The following HCFC1 variants were observed in gnomAD, a reference collection of about 807,000 sequenced individuals.
HCFC1 encodes the protein host cell factor 1.
In HCFC1, 7 loss-of-function variants were observed where a neutral mutation model predicts 105.5. The ratio of observed to expected loss-of-function variants is 0.07; its 90% CI spans 0.04 to 0.12. The LOEUF (loss-of-function observed/expected upper bound fraction) is 0.12. HCFC1 is among the 10% of genes least tolerant of loss of function. The pLI, the probability that HCFC1 is intolerant of heterozygous loss-of-function variation, is 1.00. For synonymous variants in HCFC1, 918 were observed against 828.1 expected, an observed-to-expected ratio of 1.11 and a Z score of -1.86; for missense variants, 1,065 against 1,823.6, an observed-to-expected ratio of 0.58 and a Z score of 7.58.
At chrX:153,963,492 G>T in intron 3 of HCFC1, 59 bp from the exon 4 acceptor site, 1 of 865,851 alleles carries the variant, frequency 1.2e-6, no homozygotes. Flanking sequence ...GGCTTCGCTG[G>T]ATGGCTATCA....
At position 153,948,095 on chromosome X, in the gene HCFC1, A is replaced by G. The variant is rs1056676149; in HGVS notation, c.*1252T>C. 9.1e-6 allele frequency: 1 copy of G among 110,122 alleles called. No homozygotes were observed. The highest frequency in any genetic ancestry group is 3.8e-4 in the South Asian group (1 of 2,626). 9.1% of individuals were successfully genotyped at this position (110,122 alleles called of 1,213,427 possible). A position where few individuals can be genotyped will look rare whatever the true frequency, so the allele number is the denominator to read the frequency against. On this transcript the variant is annotated 3_prime_UTR_variant, in exon 26 of 26. Coordinates refer to ENST00000310441, the MANE Select transcript of HCFC1 (RefSeq NM_005334.3). ...GACGCCTGGTTCCCCTCCATTCTCCACCCTTTCCATGACGATTTGGGGGAG... is the reference window on the plus strand; with the variant it reads ...GACGCCTGGTTCCCCTCCATTCTCCGCCCTTTCCATGACGATTTGGGGGAG...
chrX:153,954,697 G>A lies in HCFC1; in HGVS notation c.3702C>T (p.Ser1234=). ...SIKDLPAGRH[S]HAVSTAAMTR... ...TCATGGCAGCGGTGCTGACCGCATGGCTGTGGCGCCCCGCAGGAAGGTCCT... is the reference window on the plus strand; with the variant it reads ...TCATGGCAGCGGTGCTGACCGCATGACTGTGGCGCCCCGCAGGAAGGTCCT... The change falls in exon 17 of 26, where the codon AGC becomes AGT. Residue 1234 remains serine (S), a synonymous_variant. Transcript: ENST00000310441. The A allele has an allele frequency of 8.3e-7, 1 of 1,201,137 alleles. No homozygotes were observed.
At position 153,952,941 on chromosome X, in the gene HCFC1, C is replaced by G. The variant is rs1239220367; in HGVS notation, c.4515G>C (p.Gln1505His). The G allele has an allele frequency of 1.7e-6, 2 of 1,175,134 alleles. No homozygotes were observed. Among genetic ancestry groups the G allele is most frequent in the Non-Finnish European group, 2.3e-6 (2 of 877,260 alleles). The change falls in exon 19 of 26, where the codon CAG becomes CAC. Residue 1505 changes from glutamine to histidine, a missense_variant. By Grantham distance (24) the Gln-to-His change is conservative. Transcript: ENST00000310441. ...GPSVPPPEEL[Q>H]VSPGPRQQLP... ...GCTGCTGGCGAGGACCTGGCGACAC[C>G]TGGAGTTCCTCTGGGGGCTGCAGGA... is the stretch of plus-strand genomic sequence containing the variant.
intron 19 of HCFC1, 41 bp downstream of exon 19, chrX:153,952,470 TCCC>T (rs782465719): frequency 4.5e-6 from 5 of 1,102,200 alleles, no homozygotes; most frequent in Admixed American, 3.0e-5. Flanking sequence ...GGCCTATTGC[TCCC>T]CCGAGCGGCC....
Position 153,959,501 on chromosome X carries a change from G to A in HCFC1, c.1445-10C>T, listed in dbSNP as rs1557116113. 8.3e-7 allele frequency: 1 copy of A among 1,210,674 alleles called. No homozygotes were observed. Among genetic ancestry groups the A allele is most frequent in the Non-Finnish European group, 1.1e-6 (1 of 894,905 alleles). On this transcript the variant is annotated splice_polypyrimidine_tract_variant and intron_variant, in intron 8 of 25. Transcript: ENST00000310441. ...AGAACAGCAGGGACACCTGATGAGA[G>A]AAGGGGCCAGCCGTCAGCCATCACC...
intron 24 of HCFC1, 69 bp downstream of exon 24, chrX:153,950,174 A>C (rs1219864297): frequency 2.9e-6 from 3 of 1,023,219 alleles, no homozygotes; most frequent in Non-Finnish European, 3.9e-6. Context: ...AGATGGTGAC[A>C]GTTCCTCCTG....
chrX:153,951,649 G>A lies in HCFC1; in HGVS notation c.5319C>T (p.Ala1773=). 2 of 1,211,105 alleles carry A rather than the reference G, an allele frequency of 1.7e-6. No homozygotes were observed. The highest frequency in any genetic ancestry group is 1.1e-6 in the Non-Finnish European group (1 of 895,355). ...TCAGGGTAGCTGCAGCCTGCAGCTT[G>A]GCTGGGCTGGCCACCACAACCGGCT... ...APQPVVVASP[A]KLQAAATLTE... Residue 1773 remains alanine (A), a synonymous_variant, in exon 21 of 26, where the codon GCC becomes GCT. Transcript: ENST00000310441.
chrX:153,948,690 G>C lies in HCFC1; in HGVS notation c.*657C>G, dbSNP rs1435491491. 2.7e-5 allele frequency: 3 copies of C among 112,702 alleles called. No individual in the cohort carries two copies. Among genetic ancestry groups the C allele is most frequent in the Non-Finnish European group, 5.6e-5 (3 of 53,232 alleles). 9.3% of individuals were successfully genotyped at this position (112,702 alleles called of 1,213,427 possible). A position where few individuals can be genotyped will look rare whatever the true frequency, so the allele number is the denominator to read the frequency against. ...GGCCTGCAGGGAGGTCTGCACAGGC[G>C]CTGCCCAGGCCGCCGCGGGGCTCCT... On this transcript the variant is annotated 3_prime_UTR_variant, in exon 26 of 26. Transcript: ENST00000310441.
In HCFC1 at chrX:153,971,074, A is replaced by G; in HGVS notation, c.-234T>C. The G allele has an allele frequency of 2.7e-6, 1 of 365,785 alleles. No homozygotes were observed. The highest frequency in any genetic ancestry group is 4.6e-6 in the Non-Finnish European group (1 of 215,447). 30.1% of individuals were successfully genotyped at this position (365,785 alleles called of 1,213,427 possible). A position where few individuals can be genotyped will look rare whatever the true frequency, so the allele number is the denominator to read the frequency against. ...AGCCGCCCGAAACTGTCGAGCGCCT[A>G]GGCTCAAGAAGCTGGAGGCCGCTGA... On this transcript the variant is annotated 5_prime_UTR_variant, in exon 1 of 26. Transcript: ENST00000310441.
In HCFC1 at chrX:153,959,429, T is replaced by C. The variant is rs1410211584; in HGVS notation, c.1507A>G (p.Met503Val). The C allele has an allele frequency of 8.3e-7, 1 of 1,210,078 alleles. No homozygotes were observed. Among genetic ancestry groups the C allele is most frequent in the Non-Finnish European group, 1.1e-6 (1 of 894,852 alleles). Reference protein sequence around the residue: ...QATTGTPLVTMRPASQAGKAP... With the variant: ...QATTGTPLVTVRPASQAGKAP... ...TTCCCAGCCTGGCTGGCAGGTCGCA[T>C]GGTGACCAATGGAGTTCCTGTTGTA... Residue 503 changes from methionine to valine, a missense_variant, in exon 9 of 26, where the codon ATG becomes GTG. Transcript: ENST00000310441.
intron 2 of HCFC1, 122 bp from the exon 3 acceptor site, chrX:153,964,406 A>G (rs2065457078): frequency 2.3e-6 from 2 of 888,458 alleles, no homozygotes; most frequent in Non-Finnish European, 3.1e-6. Context: ...CTGGAGCAAG[A>G]AGGTCCTGGG....
chrX:153,964,798 G>T (rs1000352259), intron 1 of HCFC1, 72 bp from the exon 2 acceptor site: 5 of 1,056,977 alleles, frequency 4.7e-6, no homozygotes, highest in Non-Finnish European at 6.2e-6. Context: ...AAATGTGCCA[G>T]CCGTCAAGCT....
chrX:153,962,266 C>T lies in HCFC1; in HGVS notation c.753G>A (p.Ala251=), dbSNP rs1557117195. 1.7e-5 allele frequency: 21 copies of T among 1,210,034 alleles called. No individual in the cohort carries two copies. The highest frequency in any genetic ancestry group is 2.3e-5 in the Non-Finnish European group (21 of 894,272). The change falls in exon 5 of 26, where the codon GCG becomes GCA. Residue 251 remains alanine, a synonymous_variant. Coordinates refer to ENST00000310441, the MANE Select transcript of HCFC1 (RefSeq NM_005334.3). The part of the protein sequence containing the change: ...TWNKPSLSGV[A]PLPRSLHSAT... Reference sequence around the variant, plus strand: ...CCGAGTGGAGACTGCGAGGAAGAGGCGCCACCCCGCTGAGACTGGGCTTAT... The same window carrying T: ...CCGAGTGGAGACTGCGAGGAAGAGGTGCCACCCCGCTGAGACTGGGCTTAT...
In HCFC1 at chrX:153,971,513, G is replaced by A. The variant is rs1440195717; in HGVS notation, c.-673C>T. The A allele has an allele frequency of 1.0e-5, 3 of 293,745 alleles. No individual in the cohort carries two copies. The highest frequency in any genetic ancestry group is 8.2e-5 in the African/African-American group (3 of 36,665). 24.2% of individuals were successfully genotyped at this position (293,745 alleles called of 1,213,427 possible). ...GGCCGTTTGGGGGCTCGCGCCGTAC[G>A]GCTTGTGAAGTCTCGCGCCTCTCCC... is the stretch of plus-strand genomic sequence containing the variant. On this transcript the variant is annotated 5_prime_UTR_variant, in exon 1 of 26. Coordinates refer to ENST00000310441, the MANE Select transcript of HCFC1 (RefSeq NM_005334.3).
At chrX:153,970,417 C>G (rs945214787) in intron 1 of HCFC1, among the ~76,000 whole-genome samples, 26 of 71,678 alleles carry the variant, frequency 3.6e-4, no homozygotes, top group African/African-American at 1.3e-3. Flanking sequence ...AGGGGCAAGC[C>G]GATCAGTGGG....
intron 1 of HCFC1, among the ~76,000 whole-genome samples, chrX:153,964,940 C>A (rs1486480405): frequency 1.8e-5 from 2 of 112,105 alleles, no homozygotes; most frequent in Non-Finnish European, 3.8e-5. Context: ...TGCTTCTCGC[C>A]AAGGTCATCT....
intron 12 of HCFC1, 56 bp downstream of exon 12, chrX:153,957,726 T>C: frequency 1.1e-6 from 1 of 949,802 alleles, no homozygotes; most frequent in Non-Finnish European, 1.5e-6. Context: ...GAGTTCTTCC[T>C]GTGGCCTGGC....
Position 153,968,295 on chromosome X carries a change from G to A in HCFC1, c.193+2353C>T, listed in dbSNP as rs3027896. 5.1e-3 allele frequency among the ~76,000 whole-genome samples: 569 copies of A among 112,001 alleles called. 5 individuals carry two copies. The highest frequency in any genetic ancestry group is 0.017 in the African/African-American group (534 of 30,808). ...CCTGAAGCTTTCTTATCCTAGCAAC[G>A]GGAACCCCTTCCAGATCAGCTCTCT... On this transcript the variant is annotated intron_variant, in intron 1 of 25. Transcript: ENST00000310441.
chrX:153,959,496 TGA>T lies in HCFC1; in HGVS notation c.1445-7_1445-6del. ...CTTTGAGAACAGCAGGGACACCTGA[TGA>T]GAGAAGGGGCCAGCCGTCAGCCATC... On this transcript the variant is annotated splice_region_variant and splice_polypyrimidine_tract_variant and intron_variant, in intron 8 of 25. Transcript: ENST00000310441. 1.7e-6 allele frequency: 2 copies of T among 1,211,166 alleles called. No individual in the cohort carries two copies. Among genetic ancestry groups the T allele is most frequent in the Non-Finnish European group, 2.2e-6 (2 of 895,141 alleles).
Sources: allele counts gnomAD v4.1 joint callset (sites outside exome capture counted in the v4.1 genomes callset), GRCh38; gene constraint gnomAD v4.1.1; transcripts MANE v1.5; gene names NCBI Gene and HGNC (gene_info 2026-07-23, HGNC 2026-07-21).